MAP2K1: variants seen among roughly 807,000 people sequenced by gnomAD.
MAP2K1 encodes mitogen-activated protein kinase kinase 1, also known as dual specificity mitogen-activated protein kinase kinase 1.
A neutral mutation model predicts 46.3 loss-of-function variants in MAP2K1; 16 were observed. That is an observed-to-expected ratio of 0.35 (90% CI 0.23 to 0.52). MAP2K1 has a LOEUF of 0.52. Ranked by LOEUF, MAP2K1 falls within the 20% of genes least tolerant of loss-of-function variation. MAP2K1 has a pLI of 0.94. For synonymous variants in MAP2K1, 183 were observed against 185.6 expected, an observed-to-expected ratio of 0.99 and a Z score of 0.11; for missense variants, 263 against 497.1, an observed-to-expected ratio of 0.53 and a Z score of 4.48.
At chr15:66,438,846 G>A (rs1265618293) in intron 3 of MAP2K1, among the ~76,000 whole-genome samples, 3 of 152,190 alleles carry the variant, frequency 2.0e-5, no homozygotes, top group African/African-American at 7.2e-5. Context: ...ACCTGGTCAG[G>A]CTTGGGACTC....
intron 1 of MAP2K1, among the ~76,000 whole-genome samples, chr15:66,417,573 T>C (rs2093427586): frequency 6.6e-6 from 1 of 151,996 alleles, no homozygotes; most frequent in African/African-American, 2.4e-5. Context: ...AGACCCTGTC[T>C]CAAAAAAACA....
chr15:66,391,010 A>G (rs1238577934), intron 1 of MAP2K1, among the ~76,000 whole-genome samples: 1 of 150,574 alleles, frequency 6.6e-6, no homozygotes, highest in Non-Finnish European at 1.5e-5. Flanking sequence ...GTTTATAAGC[A>G]TCTCAGAGGA....
rs530438646 is a variant in MAP2K1 at position 66,420,192 on chromosome 15, C to T, written c.81-14835C>T. ...CGGGGAGGCGGAGGTTGTGGTGAAC[C>T]GAGATCACACCACTGCACTTCAGCC... On this transcript the variant is annotated intron_variant, in intron 1 of 10. Coordinates refer to ENST00000307102, the MANE Select transcript of MAP2K1 (RefSeq NM_002755.4). Among the ~76,000 whole-genome samples, 10 of 151,772 alleles carry T rather than the reference C, an allele frequency of 6.6e-5. No homozygotes were observed. In the East Asian group the frequency reaches 1.8e-3, roughly 27 times the overall value.
intron 5 of MAP2K1, among the ~76,000 whole-genome samples, chr15:66,456,395 A>C (rs1413381302): frequency 6.6e-6 from 1 of 152,214 alleles, no homozygotes; most frequent in East Asian, 1.9e-4. Context: ...CCACCTCAAG[A>C]TTACTTAATC....
chr15:66,473,770 C>T (rs1334632494), intron 5 of MAP2K1, among the ~76,000 whole-genome samples: 4 of 152,104 alleles, frequency 2.6e-5, no homozygotes, highest in African/African-American at 4.8e-5. Context: ...CTCTGCTTCC[C>T]GGGTTCAATG....
At chr15:66,432,430 G>A (rs1677622931) in intron 1 of MAP2K1, among the ~76,000 whole-genome samples, 1 of 152,226 alleles carries the variant, frequency 6.6e-6, no homozygotes. Context: ...CAAAGAGTCA[G>A]AAAAGTGAAC....
intron 5 of MAP2K1, among the ~76,000 whole-genome samples, chr15:66,449,662 C>T (rs1005042670): frequency 2.0e-5 from 3 of 152,160 alleles, no homozygotes; most frequent in Non-Finnish European, 4.4e-5. Context: ...GGGTGGATCA[C>T]CTGAGGTCAT....
chr15:66,406,087 A>C (rs958262796), intron 1 of MAP2K1, among the ~76,000 whole-genome samples: 1 of 152,266 alleles, frequency 6.6e-6, no homozygotes, highest in African/African-American at 2.4e-5. Context: ...TGTTAAGAGT[A>C]AGATGTATTA....
chr15:66,490,388 T>C (rs1893211602), intron 10 of MAP2K1, 114 bp from the exon 11 acceptor site: 2 of 824,166 alleles, frequency 2.4e-6, no homozygotes, highest in Middle Eastern at 2.2e-4. Context: ...TGCCAGGTGC[T>C]CTTTCCAAGT....
At chr15:66,392,434 T>C (rs6494570) in intron 1 of MAP2K1, among the ~76,000 whole-genome samples, 149,316 of 151,304 alleles carry the variant, frequency 0.99, 73,704 homozygotes, top group East Asian at 1. Flanking sequence ...CCACCTCATC[T>C]TCCCAAAGTG....
chr15:66,438,019 C>CTTTTT (rs58085335), intron 3 of MAP2K1, among the ~76,000 whole-genome samples: 2 of 117,790 alleles, frequency 1.7e-5, no homozygotes, highest in African/African-American at 3.2e-5. Context: ...CTCTTGTGTT[C>CTTTTT]TTTTTTTTTT....
At chr15:66,443,928 AAATG>A (rs1891789262) in intron 4 of MAP2K1, among the ~76,000 whole-genome samples, 1 of 151,336 alleles carries the variant, frequency 6.6e-6, no homozygotes, top group Non-Finnish European at 1.5e-5. Flanking sequence ...CAGGTTAAGA[AAATG>A]AAACAAAAGA....
intron 1 of MAP2K1, among the ~76,000 whole-genome samples, chr15:66,420,775 ATG>A (rs1417401434): frequency 1.9e-4 from 5 of 26,396 alleles, no homozygotes; most frequent in Non-Finnish European, 3.8e-4. Context: ...GTGTATATAT[ATG>A]TGTATATATA....
chr15:66,419,167 C>G (rs1428829070), intron 1 of MAP2K1, among the ~76,000 whole-genome samples: 3 of 150,996 alleles, frequency 2.0e-5, no homozygotes, highest in Non-Finnish European at 4.4e-5. Flanking sequence ...TTTTTTTCCC[C>G]CCTCTCCCTC....
intron 9 of MAP2K1, 128 bp from the exon 10 acceptor site, chr15:66,489,585 TAGAAC>T (rs1321490271): frequency 7.4e-6 from 6 of 809,332 alleles, no homozygotes; most frequent in African/African-American, 1.7e-5. Context: ...ATACTGTGCT[TAGAAC>T]AGGAGGATGA....
At chr15:66,426,741 C>CT (rs1482340845) in intron 1 of MAP2K1, among the ~76,000 whole-genome samples, 1 of 152,236 alleles carries the variant, frequency 6.6e-6, no homozygotes, top group East Asian at 1.9e-4. Flanking sequence ...GGGTTCAACT[C>CT]TAATAGTCAC....
At chr15:66,420,962 T>C (rs1315303494) in intron 1 of MAP2K1, among the ~76,000 whole-genome samples, 5 of 26,258 alleles carry the variant, frequency 1.9e-4, no homozygotes, top group African/African-American at 2.6e-4. Flanking sequence ...CACATACATA[T>C]ATACACACAC....
chr15:66,463,684 A>G (rs1219241708), intron 5 of MAP2K1, among the ~76,000 whole-genome samples: 2 of 152,330 alleles, frequency 1.3e-5, no homozygotes, highest in South Asian at 4.1e-4. Flanking sequence ...GGGTTTCACC[A>G]TGTTAGCCAG....
chr15:66,414,940 T>C, intron 1 of MAP2K1: 1 of 412,988 alleles, frequency 2.4e-6, no homozygotes, highest in Non-Finnish European at 4.8e-6. Flanking sequence ...TCTTCAGTGG[T>C]ACTTGCATAG....
Sources: allele counts gnomAD v4.1 joint callset (sites outside exome capture counted in the v4.1 genomes callset), GRCh38; gene constraint gnomAD v4.1.1; transcripts MANE v1.5; gene names NCBI Gene and HGNC (gene_info 2026-07-23, HGNC 2026-07-21).